DNAH10: variants seen among roughly 807,000 people sequenced by gnomAD.
The protein encoded by DNAH10 is axonemal beta dynein heavy chain 10.
A neutral mutation model predicts 506.6 loss-of-function variants in DNAH10; 348 were observed. That is an observed-to-expected ratio of 0.69 (90% confidence interval 0.63 to 0.75). DNAH10 has a LOEUF of 0.75. Among genes scored for constraint, DNAH10 ranks in the 30% least tolerant of loss-of-function variants. DNAH10 has a pLI of 0.00. For missense variants in DNAH10, 5,179 were observed against 5,787.1 expected (o/e 0.89, Z 3.41); for synonymous variants, 2,059 against 2,198.6 (o/e 0.94, Z 1.78).
intron 28 of DNAH10, among the ~76,000 whole-genome samples, chr12:123,837,279 G>A (rs905407377): frequency 2.0e-5 from 3 of 151,126 alleles, no homozygotes; most frequent in African/African-American, 7.3e-5. Flanking sequence ...AGGAGGTGAA[G>A]GTTGCAGTGA....
chr12:123,829,120 C>T (rs541200797), intron 25 of DNAH10, among the ~76,000 whole-genome samples: 1 of 152,308 alleles, frequency 6.6e-6, no homozygotes, highest in South Asian at 2.1e-4. Flanking sequence ...GCCCTCACAT[C>T]TGCCTTCCTG....
At chr12:123,898,534 T>C in intron 55 of DNAH10, 119 bp from the exon 56 acceptor site, 1 of 1,278,442 alleles carries the variant, frequency 7.8e-7, no homozygotes. Context: ...GAAAGACATG[T>C]GCCATCTTGT....
At chr12:123,816,831 G>A (rs1159709544) in intron 21 of DNAH10, among the ~76,000 whole-genome samples, 5 of 152,136 alleles carry the variant, frequency 3.3e-5, no homozygotes, top group Non-Finnish European at 7.3e-5. Flanking sequence ...TGGGTTACAG[G>A]AATCCACGTG....
intron 25 of DNAH10, among the ~76,000 whole-genome samples, chr12:123,829,362 A>C (rs1313695383): frequency 6.6e-6 from 1 of 152,200 alleles, no homozygotes; most frequent in Non-Finnish European, 1.5e-5. Context: ...GCACTTGCAC[A>C]GGCCCAGTTG....
chr12:123,809,651 A>AAACAACAACAACAACAAC (rs146942558), intron 19 of DNAH10, among the ~76,000 whole-genome samples: 7,128 of 150,940 alleles, frequency 0.047, 206 homozygotes, highest in Middle Eastern at 0.085. Flanking sequence ...CGTGTCTCTA[A>AAACAACAACAACAACAAC]AACAACAACA....
intron 18 of DNAH10, among the ~76,000 whole-genome samples, chr12:123,806,677 T>G (rs1158526545): frequency 6.6e-6 from 1 of 152,230 alleles, no homozygotes; most frequent in Non-Finnish European, 1.5e-5. Context: ...TGTATTTCAT[T>G]TATTCTCTGT....
chr12:123,859,695 G>A (rs755519869), intron 38 of DNAH10, among the ~76,000 whole-genome samples: 1 of 152,092 alleles, frequency 6.6e-6, no homozygotes, highest in Non-Finnish European at 1.5e-5. Context: ...CCCTTCGGGG[G>A]CAATTCTTCA....
intron 27 of DNAH10, among the ~76,000 whole-genome samples, chr12:123,834,148 A>G (rs928861538): frequency 6.6e-6 from 1 of 152,060 alleles, no homozygotes; most frequent in African/African-American, 2.4e-5. Flanking sequence ...TGTTTTGTCT[A>G]TGACTTTGTG....
At chr12:123,905,230 C>T (rs1315907976) in intron 57 of DNAH10, among the ~76,000 whole-genome samples, 2 of 152,194 alleles carry the variant, frequency 1.3e-5, no homozygotes, top group African/African-American at 4.8e-5. Context: ...CATTGTGTGG[C>T]TGTGCCGTAA....
intron 30 of DNAH10, 101 bp downstream of exon 30, chr12:123,841,646 G>A (rs1214997330): frequency 1.6e-6 from 2 of 1,222,916 alleles, no homozygotes; most frequent in African/African-American, 3.0e-5. Flanking sequence ...TCCAAATGAG[G>A]TTTTGTTTTT....
At chr12:123,816,631 TGAGCC>T (rs1429762791) in intron 21 of DNAH10, among the ~76,000 whole-genome samples, 1 of 152,220 alleles carries the variant, frequency 6.6e-6, no homozygotes, top group African/African-American at 2.4e-5. Flanking sequence ...CTGAGTTCTG[TGAGCC>T]ATTTCAGCAA....
intron 66 of DNAH10, 186 bp downstream of exon 66, chr12:123,924,053 C>T (rs1023095528): frequency 2.7e-6 from 2 of 731,444 alleles, no homozygotes; most frequent in Admixed American, 3.0e-5. Context: ...GAAATCGGAG[C>T]AGCCAGCCTC....
In DNAH10 at chr12:123,928,640, C is replaced by G. The variant is rs1379401972; in HGVS notation, c.12306+53C>G. On this transcript the variant is annotated intron_variant, in intron 70 of 78. Coordinates refer to ENST00000673944, the MANE Select transcript of DNAH10 (RefSeq NM_001372106.1). The surrounding 1 kb of genome is among the most constrained non-coding windows in gnomAD (Gnocchi z 4.9). ...GCCAGCACGCAGCTTCTCAGAACAC[C>G]TGCATGCTGCTCTGGGGCCGGGGTG... is the stretch of plus-strand genomic sequence containing the variant. 6.5e-7 allele frequency: 1 copy of G among 1,528,368 alleles called. No individual in the cohort carries two copies. The highest frequency in any genetic ancestry group is 1.2e-5 in the South Asian group (1 of 83,220). The allele number at this position is 1,528,368 out of a possible 1,614,324, so 94.7% of individuals were successfully genotyped here. A position where few individuals can be genotyped will look rare whatever the true frequency, so the allele number is the denominator to read the frequency against.
At chr12:123,826,928 A>T in intron 25 of DNAH10, 30 bp downstream of exon 25, 1 of 1,575,080 alleles carries the variant, frequency 6.3e-7, no homozygotes, top group Non-Finnish European at 8.6e-7. Context: ...CGCAGATGTA[A>T]AAGTGTGGGA....
intron 48 of DNAH10, among the ~76,000 whole-genome samples, chr12:123,878,127 TG>T (rs1348026565): frequency 6.6e-6 from 1 of 152,164 alleles, no homozygotes; most frequent in African/African-American, 2.4e-5. Context: ...GAAGCAGAAG[TG>T]GGGACAAGCC....
chr12:123,810,237 C>T (rs575624987), intron 19 of DNAH10, among the ~76,000 whole-genome samples: 1 of 152,358 alleles, frequency 6.6e-6, no homozygotes, highest in African/African-American at 2.4e-5. Context: ...ATAGAGCTGT[C>T]TTTGTGGGTA....
Position 123,845,441 on chromosome 12 carries a change from T to A in DNAH10, c.5361-159T>A, listed in dbSNP as rs1950911524. 2.0e-5 allele frequency among the ~76,000 whole-genome samples: 3 copies of A among 152,228 alleles called. No homozygotes were observed. The South Asian group carries it at 6.2e-4, about 31-fold the overall frequency. On this transcript the variant is annotated intron_variant, in intron 30 of 78. Transcript: ENST00000673944. ...CTTACTCTCACCTAAGTCTTACTCC[T>A]CTGACTTACTTAGGTAAACAAATAC... is the stretch of plus-strand genomic sequence containing the variant.
At chr12:123,807,375 G>A (rs1958722052) in intron 18 of DNAH10, among the ~76,000 whole-genome samples, 1 of 152,202 alleles carries the variant, frequency 6.6e-6, no homozygotes, top group South Asian at 2.1e-4. Flanking sequence ...GATGAGTTCT[G>A]TAAAAGAAAC....
chr12:123,851,727 G>A (rs1002490605), intron 35 of DNAH10, among the ~76,000 whole-genome samples: 16 of 152,170 alleles, frequency 1.1e-4, no homozygotes, highest in Non-Finnish European at 5.9e-5. Flanking sequence ...TATCACATGT[G>A]GATGGGAGTG....
Sources: gnomAD v4.1 joint callset for allele counts (sites outside exome capture counted in the v4.1 genomes callset) on GRCh38, gnomAD v4.1.1 for gene constraint, Gnocchi (gnomAD v3.1) non-coding constraint, MANE v1.5 for transcripts, NCBI Gene and HGNC (gene_info 2026-07-23, HGNC 2026-07-21) for gene names.